Variants in NUP133 observed in about 807,000 individuals in gnomAD.
NUP133 encodes the protein nuclear pore complex protein Nup133.
A neutral mutation model predicts 146.2 loss-of-function variants in NUP133; 66 were observed. The observed-to-expected ratio is 0.45, with a 90% confidence interval of 0.37 to 0.55. The LOEUF is 0.55. NUP133 is among the 20% of genes least tolerant of loss of function. NUP133 has a pLI of 0.00. For synonymous variants in NUP133, 521 were observed against 498.8 expected (o/e 1.04, Z -0.59); for missense variants, 1,277 against 1,374.8 (o/e 0.93, Z 1.12).
chr1:229,450,578 CTCT>C lies in NUP133; in HGVS notation c.3124_3126del (p.Arg1042del), dbSNP rs1250767130. On this transcript the variant is annotated inframe_deletion, in exon 23 of 26. Coordinates refer to ENST00000261396, the MANE Select transcript of NUP133 (RefSeq NM_018230.3). ...GCTTTCTTGAAATCATATTCATTAG[CTCT>C]TCTATTTTCTTCACAGATATATAGC... is the stretch of plus-strand genomic sequence containing the variant. 3 of 1,580,534 alleles carry C rather than the reference CTCT, an allele frequency of 1.9e-6. No homozygotes were observed. Among genetic ancestry groups the C allele is most frequent in the Non-Finnish European group, 2.6e-6 (3 of 1,155,346 alleles).
At position 229,464,610 on chromosome 1, in the gene NUP133, T is replaced by C; in HGVS notation, c.2551+14A>G. 1 of 1,610,938 alleles carries C rather than the reference T, an allele frequency of 6.2e-7. No individual in the cohort carries two copies. The highest frequency in any genetic ancestry group is 8.5e-7 in the Non-Finnish European group (1 of 1,177,464). Reference sequence around the variant, plus strand: ...CAGCAAATTTAAAACTCTTGCCAAGTATCATGAACTTACGAAGAGGAGATA... The same window carrying C: ...CAGCAAATTTAAAACTCTTGCCAAGCATCATGAACTTACGAAGAGGAGATA... On this transcript the variant is annotated intron_variant, in intron 18 of 25. Coordinates refer to ENST00000261396, the MANE Select transcript of NUP133 (RefSeq NM_018230.3).
At chr1:229,501,600 A>G (rs1661798748) in intron 3 of NUP133, among the ~76,000 whole-genome samples, 5 of 152,170 alleles carry the variant, frequency 3.3e-5, no homozygotes, top group Admixed American at 3.3e-4. Context: ...CTGGTATCAT[A>G]TTTTCTTATT....
Position 229,452,558 on chromosome 1 carries a change from C to T in NUP133, c.3066G>A (p.Ala1022=), listed in dbSNP as rs370240365. Residue 1022 remains alanine (A), a synonymous_variant, in exon 22 of 26, where the codon GCG becomes GCA. Transcript: ENST00000261396. ...LLAEKQLNLS[A]MPVLTAPQLI... ...GTTGTGGTGCAGTCAATACTGGCAT[C>T]GCACTGAGATTTAGCTGTTTCTCCG... 149 of 1,613,744 alleles carry T rather than the reference C, an allele frequency of 9.2e-5. 1 individual carries two copies. The highest frequency in any genetic ancestry group is 6.6e-4 in the Middle Eastern group (4 of 6,084).
intron 24 of NUP133, among the ~76,000 whole-genome samples, chr1:229,445,775 G>T (rs554121114): frequency 6.6e-5 from 10 of 152,248 alleles, no homozygotes; most frequent in African/African-American, 2.2e-4. Context: ...TGTATGACTG[G>T]GATGGGACCA....
rs777536171 is a variant in NUP133, at chr1:229,449,204, C to CA, written c.3181-15dup. ...TATATCTTCTTCCTTCACAGCAAAA[C>CA]AAAAAAAATCCTGATTAAATCCTGG... is the stretch of plus-strand genomic sequence containing the variant. On this transcript the variant is annotated splice_polypyrimidine_tract_variant and intron_variant, in intron 23 of 25. Coordinates refer to ENST00000261396, the MANE Select transcript of NUP133 (RefSeq NM_018230.3). 5.3e-5 allele frequency: 82 copies of CA among 1,554,110 alleles called. No homozygotes were observed. Among genetic ancestry groups the CA allele is most frequent in the African/African-American group, 1.2e-4 (9 of 72,918 alleles).
At chr1:229,469,676 G>C (rs914580442) in intron 15 of NUP133, among the ~76,000 whole-genome samples, 3 of 152,258 alleles carry the variant, frequency 2.0e-5, no homozygotes, top group South Asian at 2.1e-4. Context: ...CCAATGTAAA[G>C]TGCGCACAGG....
At chr1:229,499,070 T>A (rs1661731228) in intron 5 of NUP133, 9 of 423,632 alleles carry the variant, frequency 2.1e-5, no homozygotes, top group South Asian at 1.5e-4. Flanking sequence ...AGATAATTTT[T>A]AAATTTTTTT....
intron 14 of NUP133, among the ~76,000 whole-genome samples, chr1:229,471,636 T>A (rs1255476494): frequency 6.6e-6 from 1 of 152,156 alleles, no homozygotes; most frequent in Non-Finnish European, 1.5e-5. Flanking sequence ...AGCTTTCTCA[T>A]TGCATATGAC....
chr1:229,506,652 A>G (rs988671017), intron 1 of NUP133, among the ~76,000 whole-genome samples: 2 of 151,886 alleles, frequency 1.3e-5, no homozygotes, highest in African/African-American at 4.8e-5. Context: ...CATGTCTATA[A>G]TCTCAGCACT....
intron 8 of NUP133, among the ~76,000 whole-genome samples, chr1:229,491,148 G>A (rs999630189): frequency 6.6e-6 from 1 of 152,052 alleles, no homozygotes; most frequent in Non-Finnish European, 1.5e-5. Context: ...TTTGTTCGAA[G>A]GCAACCATAC....
chr1:229,494,696 C>A (rs1661609254), intron 8 of NUP133, among the ~76,000 whole-genome samples: 3 of 152,182 alleles, frequency 2.0e-5, no homozygotes, highest in Admixed American at 2.0e-4. Context: ...GAAATTTACT[C>A]TGAGTATGAA....
intron 2 of NUP133, 28 bp downstream of exon 2, chr1:229,506,012 T>A (rs1272982883): frequency 1.5e-6 from 2 of 1,302,326 alleles, no homozygotes; most frequent in Non-Finnish European, 2.2e-6. Context: ...AAACTGCTAA[T>A]ATAGGTAAAT....
intron 17 of NUP133, 85 bp downstream of exon 17, chr1:229,465,335 T>G (rs1660787901): frequency 9.5e-7 from 1 of 1,055,110 alleles, no homozygotes; most frequent in African/African-American, 1.6e-5. Flanking sequence ...CTTACAAACC[T>G]ACGCTAGGGG....
At chr1:229,488,143 G>A (rs1661408538) in intron 9 of NUP133, among the ~76,000 whole-genome samples, 2 of 152,072 alleles carry the variant, frequency 1.3e-5, no homozygotes, top group Admixed American at 1.3e-4. Context: ...ACCGCACCTG[G>A]CCTAAATTGT....
At chr1:229,490,719 T>C (rs548601922) in intron 8 of NUP133, among the ~76,000 whole-genome samples, 2 of 152,242 alleles carry the variant, frequency 1.3e-5, no homozygotes, top group East Asian at 3.9e-4. Context: ...TCCCAGCACT[T>C]TGGGAGGCCA....
At chr1:229,469,328 G>A (rs1156779134) in intron 15 of NUP133, among the ~76,000 whole-genome samples, 2 of 152,192 alleles carry the variant, frequency 1.3e-5, no homozygotes. Flanking sequence ...CGAGGACTGC[G>A]TCACTATTTC....
At chr1:229,473,845 G>T (rs1233638620) in intron 14 of NUP133, among the ~76,000 whole-genome samples, 1 of 152,168 alleles carries the variant, frequency 6.6e-6, no homozygotes, top group African/African-American at 2.4e-5. Context: ...AATCACTTGA[G>T]CCCAGGAGGC....
intron 14 of NUP133, among the ~76,000 whole-genome samples, chr1:229,475,202 C>T (rs1023662306): frequency 7.9e-5 from 12 of 151,980 alleles, no homozygotes; most frequent in East Asian, 1.9e-4. Flanking sequence ...CTTTTATTGA[C>T]GAGACAAGAA....
Position 229,441,721 on chromosome 1 carries a change from A to G in NUP133, c.*183T>C. On this transcript the variant is annotated 3_prime_UTR_variant, in exon 26 of 26. Transcript: ENST00000261396. ...ACATTTCAGGTGGAAAAAACAAGTCACATAACTGAAAACCAAAATCACAGT... is the reference window on the plus strand; with the variant it reads ...ACATTTCAGGTGGAAAAAACAAGTCGCATAACTGAAAACCAAAATCACAGT... 1.9e-6 allele frequency: 1 copy of G among 523,192 alleles called. No individual in the cohort carries two copies. Among genetic ancestry groups the G allele is most frequent in the South Asian group, 2.6e-5 (1 of 38,158 alleles). 32.4% of individuals were successfully genotyped at this position (523,192 alleles called of 1,614,324 possible).
Sources: allele counts gnomAD v4.1 joint callset (sites outside exome capture counted in the v4.1 genomes callset), GRCh38; gene constraint gnomAD v4.1.1; transcripts MANE v1.5; gene names NCBI Gene and HGNC (gene_info 2026-07-23, HGNC 2026-07-21).